ZEB2: variants seen among roughly 807,000 people sequenced by gnomAD.
ZEB2 encodes the protein zinc finger E-box-binding homeobox 2.
In ZEB2, 6 loss-of-function variants were observed where a neutral mutation model predicts 99.9. The observed-to-expected ratio is 0.06, with a 90% CI of 0.03 to 0.12. The LOEUF (loss-of-function observed/expected upper bound fraction) is 0.12. Ranked by LOEUF, ZEB2 falls within the 10% of genes least tolerant of loss-of-function variation. The pLI, the probability that ZEB2 is intolerant of heterozygous loss-of-function variation, is 1.00. For synonymous variants in ZEB2, 517 were observed against 542.5 expected (o/e 0.95, Z 0.65); for missense variants, 969 against 1,502.8 (o/e 0.64, Z 5.87).
intron 4 of ZEB2, among the ~76,000 whole-genome samples, chr2:144,412,130 G>A (rs1703473304): frequency 6.6e-6 from 1 of 152,194 alleles, no homozygotes; most frequent in Non-Finnish European, 1.5e-5. Context: ...TTAGCCGGGT[G>A]TGGTGGCACA....
Position 144,384,956 on chromosome 2 carries a change from GA to G in ZEB2, c.*4494del, listed in dbSNP as rs1297798315. Reference sequence around the variant, plus strand: ...TTAGGTTATGTCAGTACATACTTAAGAGAGGCATAAATTGCCTCTTGGTACA... The same window carrying G: ...TTAGGTTATGTCAGTACATACTTAAGGAGGCATAAATTGCCTCTTGGTACA... On this transcript the variant is annotated 3_prime_UTR_variant, in exon 10 of 10. Coordinates refer to ENST00000627532, the MANE Select transcript of ZEB2 (RefSeq NM_014795.4). The G allele has an allele frequency of 2.0e-5, 3 of 152,138 alleles. No homozygotes were observed. The highest frequency in any genetic ancestry group is 4.4e-5 in the Non-Finnish European group (3 of 68,012). The allele number at this position is 152,138 out of a possible 1,614,324, so 9.4% of individuals were successfully genotyped here. A position where few individuals can be genotyped will look rare whatever the true frequency, so the allele number is the denominator to read the frequency against.
intron 2 of ZEB2, among the ~76,000 whole-genome samples, chr2:144,476,989 T>C (rs896398823): frequency 2.0e-5 from 3 of 152,224 alleles, no homozygotes; most frequent in African/African-American, 7.2e-5. Context: ...AAAATTTATA[T>C]ATTATCTATT....
chr2:144,413,564 T>C (rs1281411139), intron 4 of ZEB2, among the ~76,000 whole-genome samples: 3 of 152,194 alleles, frequency 2.0e-5, no homozygotes, highest in Non-Finnish European at 4.4e-5. Context: ...AAAAACTCAA[T>C]GTATGAAGTT....
At chr2:144,466,161 G>A (rs1203960724) in intron 2 of ZEB2, among the ~76,000 whole-genome samples, 1 of 152,150 alleles carries the variant, frequency 6.6e-6, no homozygotes, top group Non-Finnish European at 1.5e-5. Context: ...ATGACAACAT[G>A]TCAGATAGCA....
At chr2:144,425,390 C>G (rs10210063) in intron 3 of ZEB2, among the ~76,000 whole-genome samples, 11,885 of 152,212 alleles carry the variant, frequency 0.078, 574 homozygotes, top group African/African-American at 0.12. Flanking sequence ...CCAGTTTGTA[C>G]AACAAATATC....
intron 2 of ZEB2, among the ~76,000 whole-genome samples, chr2:144,483,123 C>G (rs1311052231): frequency 5.1e-4 from 52 of 102,476 alleles, no homozygotes; most frequent in Admixed American, 1.3e-3. Context: ...GTAAGACACA[C>G]ACACACACAC....
intron 2 of ZEB2, among the ~76,000 whole-genome samples, chr2:144,469,305 G>C (rs1199423040): frequency 6.6e-6 from 1 of 152,112 alleles, no homozygotes; most frequent in Non-Finnish European, 1.5e-5. Context: ...CACAATCATA[G>C]TACTACTGGT....
At chr2:144,395,372 C>A (rs562219911) in intron 9 of ZEB2, among the ~76,000 whole-genome samples, 4 of 152,076 alleles carry the variant, frequency 2.6e-5, no homozygotes, top group African/African-American at 9.6e-5. Context: ...AGCTTTCCCC[C>A]CAAAGTGCTA....
chr2:144,517,830 C>T, intron 1 of ZEB2: 1 of 586,628 alleles, frequency 1.7e-6, no homozygotes, highest in Non-Finnish European at 3.1e-6. Context: ...TTTTCTCATC[C>T]CCCCACCCCC....
chr2:144,415,185 G>A (rs1304799774), intron 4 of ZEB2, among the ~76,000 whole-genome samples: 1 of 151,798 alleles, frequency 6.6e-6, no homozygotes, highest in African/African-American at 2.4e-5. Flanking sequence ...TTTAAGGATT[G>A]TATTTCCTAA....
chr2:144,511,666 G>A (rs1003010248), intron 2 of ZEB2: 28 of 1,287,024 alleles, frequency 2.2e-5, no homozygotes, highest in Non-Finnish European at 2.6e-5. Context: ...GGCATAAACA[G>A]AGCTATGTAA....
chr2:144,389,916 A>G lies in ZEB2; in HGVS notation c.3180T>C (p.Cys1060=), dbSNP rs1703134531. 6.2e-7 allele frequency: 1 copy of G among 1,612,854 alleles called. No individual in the cohort carries two copies. The highest frequency in any genetic ancestry group is 2.2e-5 in the East Asian group (1 of 44,858). Residue 1060 remains cysteine, a synonymous_variant, in exon 10 of 10, where the codon TGT becomes TGC. Coordinates refer to ENST00000627532, the MANE Select transcript of ZEB2 (RefSeq NM_014795.4). This position sits in a 1 kb window ranked among gnomAD's most constrained non-coding sequence, Gnocchi z 6.8. ...SGEKPYQCDK[C]GKRFSHSGSY... is the part of the protein sequence containing the mutation. ...AGCCCGAGTGTGAGAAGCGCTTGCC[A>G]CATTTATCACACTGATAGGGCTTCT...
chr2:144,411,028 G>A (rs1289356021), intron 4 of ZEB2, among the ~76,000 whole-genome samples: 2 of 123,024 alleles, frequency 1.6e-5, no homozygotes, highest in Non-Finnish European at 3.3e-5. Context: ...TACACATAAT[G>A]GTTGTGATTC....
chr2:144,449,431 T>G (rs1225867166), intron 2 of ZEB2, among the ~76,000 whole-genome samples: 1 of 152,110 alleles, frequency 6.6e-6, no homozygotes, highest in East Asian at 1.9e-4. Flanking sequence ...CCCCTTCCAC[T>G]CCAGTAACAC....
chr2:144,461,169 A>AGTCC (rs1195962716), intron 2 of ZEB2: 1 of 150,470 alleles, frequency 6.6e-6, no homozygotes, highest in Non-Finnish European at 1.5e-5. Context: ...GGATAATGTG[A>AGTCC]GTCCCCATGT....
Position 144,384,089 on chromosome 2 carries a change from C to T in ZEB2, c.*5362G>A, listed in dbSNP as rs1218721664. On this transcript the variant is annotated 3_prime_UTR_variant, in exon 10 of 10. Coordinates refer to ENST00000627532, the MANE Select transcript of ZEB2 (RefSeq NM_014795.4). Reference sequence around the variant, plus strand: ...TTAGAATACTTAAAAGATCATTTGTCATCACTTTAATCTTCATGTATTTTT... The same window carrying T: ...TTAGAATACTTAAAAGATCATTTGTTATCACTTTAATCTTCATGTATTTTT... 1 of 152,166 alleles carries T rather than the reference C, an allele frequency of 6.6e-6. No individual in the cohort carries two copies. The highest frequency in any genetic ancestry group is 1.5e-5 in the Non-Finnish European group (1 of 68,018). 9.4% of individuals were successfully genotyped at this position (152,166 alleles called of 1,614,324 possible).
intron 2 of ZEB2, 91 bp downstream of exon 2, chr2:144,517,187 C>A (rs1705167528): frequency 1.3e-6 from 2 of 1,566,306 alleles, no homozygotes; most frequent in Non-Finnish European, 1.8e-6. Flanking sequence ...CCGCCGCCGC[C>A]GCCTCGGTTC....
intron 4 of ZEB2, among the ~76,000 whole-genome samples, chr2:144,417,227 T>G (rs1419305759): frequency 3.9e-5 from 6 of 152,198 alleles, no homozygotes; most frequent in African/African-American, 1.4e-4. Flanking sequence ...CTTGTCATTA[T>G]GATTTTTTTT....
intron 2 of ZEB2, among the ~76,000 whole-genome samples, chr2:144,483,148 A>ACACACACACACACACACACATG (rs1553968381): frequency 1.4e-5 from 2 of 144,006 alleles, no homozygotes; most frequent in African/African-American, 5.1e-5. Flanking sequence ...ACACACACAC[A>ACACACACACACACACACACATG]CACACACACA....
Sources: gnomAD v4.1 joint callset for allele counts (sites outside exome capture counted in the v4.1 genomes callset) on GRCh38, gnomAD v4.1.1 for gene constraint, Gnocchi (gnomAD v3.1) non-coding constraint, MANE v1.5 for transcripts, NCBI Gene and HGNC (gene_info 2026-07-23, HGNC 2026-07-21) for gene names.